Variants in ZNF560 observed in about 807,000 individuals in gnomAD.
The protein encoded by ZNF560 is zinc finger protein 560.
A neutral mutation model predicts 81.8 loss-of-function variants in ZNF560; 54 were observed. That is an observed-to-expected ratio of 0.66 (90% CI 0.53 to 0.83). ZNF560 has a LOEUF of 0.83. Among genes scored for constraint, ZNF560 ranks in the 40% least tolerant of loss-of-function variants. The pLI, the probability that ZNF560 is intolerant of heterozygous loss-of-function variation, is 0.00. For synonymous variants in ZNF560, 321 were observed against 317.9 expected (o/e 1.01, Z -0.10); for missense variants, 940 against 932.4 (o/e 1.01, Z -0.11).
chr19:9,487,345 C>A (rs888091668), intron 2 of ZNF560, among the ~76,000 whole-genome samples: 1 of 152,170 alleles, frequency 6.6e-6, no homozygotes, highest in Non-Finnish European at 1.5e-5. Flanking sequence ...CAGCAAGCCA[C>A]AAAAGGACAA....
chr19:9,471,463 A>G, intron 5 of ZNF560, 85 bp from the exon 6 acceptor site: 4 of 839,918 alleles, frequency 4.8e-6, no homozygotes, highest in Non-Finnish European at 6.9e-6. Context: ...GGCCTCATTC[A>G]TATTTGTTTT....
At chr19:9,481,159 C>G (rs1292424757) in intron 2 of ZNF560, among the ~76,000 whole-genome samples, 1 of 148,966 alleles carries the variant, frequency 6.7e-6, no homozygotes, top group Non-Finnish European at 1.5e-5. Context: ...CAGACAAAAA[C>G]AAGAAATGGG....
At chr19:9,446,762 T>C in the ZNF560 span, among the ~76,000 whole-genome samples, 1 of 152,148 alleles carries the variant, frequency 6.6e-6, no homozygotes, top group Admixed American at 6.5e-5. Context: ...GAGAACTTGA[T>C]TTACTTATAG....
In ZNF560 at chr19:9,471,363, T is replaced by C; in HGVS notation, c.254A>G (p.His85Arg). 6.3e-7 allele frequency: 1 copy of C among 1,590,876 alleles called. No homozygotes were observed. The highest frequency in any genetic ancestry group is 8.5e-7 in the Non-Finnish European group (1 of 1,170,598). ...CTGCAGTGCTGAAACACTGGTTTGA[T>C]GTTTTATTGCCCAGTCTGAAACAAA... Reference protein sequence around the residue: ...QGVLQDWAIKHQTSVSALQQE... With the variant: ...QGVLQDWAIKRQTSVSALQQE... Residue 85 changes from histidine to arginine, a missense_variant, in exon 6 of 10, where the codon CAT becomes CGT. By Grantham distance (29) the His-to-Arg change is conservative. Coordinates refer to ENST00000301480, the MANE Select transcript of ZNF560 (RefSeq NM_152476.3).
intron 2 of ZNF560, among the ~76,000 whole-genome samples, chr19:9,481,618 T>C (rs1034063353): frequency 6.6e-6 from 1 of 152,184 alleles, no homozygotes; most frequent in African/African-American, 2.4e-5. Context: ...GCAAAGGACA[T>C]GAACAGACAC....
chr19:9,446,978 A>G, the ZNF560 span, among the ~76,000 whole-genome samples: 3 of 152,024 alleles, frequency 2.0e-5, no homozygotes, highest in African/African-American at 7.2e-5. Context: ...AGATAAAAAT[A>G]CAAAAATTAG....
chr19:9,465,669 C>G (rs1237515813), downstream of ZNF560, among the ~76,000 whole-genome samples: 1 of 152,136 alleles, frequency 6.6e-6, no homozygotes, highest in Non-Finnish European at 1.5e-5. Context: ...ATATGGACTT[C>G]CAAAAGGATT....
chr19:9,449,166 G>A, the ZNF560 span, among the ~76,000 whole-genome samples: 1 of 152,134 alleles, frequency 6.6e-6, no homozygotes, highest in Admixed American at 6.6e-5. Context: ...GATATCCACA[G>A]AACATTCTAC....
At chr19:9,462,693 C>T (rs1477431100), downstream of ZNF560, among the ~76,000 whole-genome samples, 2 of 151,912 alleles carry the variant, frequency 1.3e-5, no homozygotes, top group East Asian at 1.9e-4. Flanking sequence ...ATCCATTATA[C>T]TCAAACTGCA....
chr19:9,475,191 A>G, intron 3 of ZNF560, 93 bp downstream of exon 3: 1 of 1,375,208 alleles, frequency 7.3e-7, no homozygotes, highest in East Asian at 2.3e-5. Flanking sequence ...TATTTACTTA[A>G]AGAAGCTCTG....
chr19:9,458,945 T>C, the ZNF560 span, among the ~76,000 whole-genome samples: 3 of 152,196 alleles, frequency 2.0e-5, no homozygotes, highest in African/African-American at 4.8e-5. Context: ...TTTCTCACTT[T>C]GTCTGGGCTA....
At chr19:9,473,353 GGT>G in intron 4 of ZNF560, 94 bp from the exon 5 acceptor site, 3 of 877,108 alleles carry the variant, frequency 3.4e-6, no homozygotes, top group Non-Finnish European at 5.2e-6. Flanking sequence ...GGCTGAAGTG[GGT>G]GGATTACCTG....
At chr19:9,447,478 A>G in the ZNF560 span, among the ~76,000 whole-genome samples, 7,286 of 152,148 alleles carry the variant, frequency 0.048, 601 homozygotes, top group African/African-American at 0.17. Flanking sequence ...GAAAATCAAC[A>G]CAAACATAAA....
At chr19:9,501,928 G>A (rs752822267), upstream of ZNF560, among the ~76,000 whole-genome samples, 2 of 151,852 alleles carry the variant, frequency 1.3e-5, no homozygotes, top group African/African-American at 2.4e-5. Context: ...CAAGGCAGGC[G>A]GATCACTTGA....
chr19:9,501,507 C>T (rs530624869), upstream of ZNF560, among the ~76,000 whole-genome samples: 16 of 151,770 alleles, frequency 1.1e-4, no homozygotes, highest in African/African-American at 3.9e-4. Context: ...TACAGGTGTG[C>T]ATCACCACAC....
At chr19:9,503,367 A>AT (rs1018438494), upstream of ZNF560, among the ~76,000 whole-genome samples, 23 of 151,960 alleles carry the variant, frequency 1.5e-4, no homozygotes, top group African/African-American at 5.6e-4. Flanking sequence ...ACTAACAGAA[A>AT]TTTTTTTCTT....
rs763801698 is a variant in ZNF560, at chr19:9,470,534, C to T, written c.322-16G>A. The T allele has an allele frequency of 5.0e-6, 8 of 1,614,072 alleles. No individual in the cohort carries two copies. The highest frequency in any genetic ancestry group is 5.1e-6 in the Non-Finnish European group (6 of 1,180,050). On this transcript the variant is annotated splice_polypyrimidine_tract_variant and intron_variant, in intron 6 of 9. Transcript: ENST00000301480. ...TTACCAGGTCCTAAACCATCAGACA[C>T]ATGCTGATTTGAGCCAAGCAACATC...
the ZNF560 span, among the ~76,000 whole-genome samples, chr19:9,456,786 A>G: frequency 6.6e-6 from 1 of 152,212 alleles, no homozygotes; most frequent in Non-Finnish European, 1.5e-5. Flanking sequence ...CTATACCTAT[A>G]AATTTATGGG....
downstream of ZNF560, among the ~76,000 whole-genome samples, chr19:9,462,624 A>G (rs2072950993): frequency 6.6e-6 from 1 of 152,170 alleles, no homozygotes; most frequent in Non-Finnish European, 1.5e-5. Context: ...TGTTAATAAT[A>G]TTTTTAAAAA....
Sources: gnomAD v4.1 joint callset for allele counts (sites outside exome capture counted in the v4.1 genomes callset) on GRCh38, gnomAD v4.1.1 for gene constraint, MANE v1.5 for transcripts, NCBI Gene and HGNC (gene_info 2026-07-23, HGNC 2026-07-21) for gene names.